Variants in USP8 observed in about 807,000 individuals in gnomAD.
USP8 encodes the protein ubiquitin specific peptidase 8.
In USP8, 27 loss-of-function variants were observed where a neutral mutation model predicts 130.0. That is an observed-to-expected ratio of 0.21 (90% confidence interval 0.15 to 0.29). The LOEUF (loss-of-function observed/expected upper bound fraction) is 0.29. Among genes scored for constraint, USP8 ranks in the 10% least tolerant of loss-of-function variants. The pLI is 1.00. For missense variants in USP8, 1,029 were observed against 1,312.2 expected (o/e 0.78, Z 3.33); for synonymous variants, 392 against 444.1 (o/e 0.88, Z 1.48).
At chr15:50,494,724 G>C (rs2052308517) in intron 16 of USP8, among the ~76,000 whole-genome samples, 1 of 152,088 alleles carries the variant, frequency 6.6e-6, no homozygotes, top group African/African-American at 2.4e-5. Flanking sequence ...TCTAAAATAA[G>C]AATTACTTGG....
At chr15:50,427,199 G>A (rs1259364478) in intron 1 of USP8, among the ~76,000 whole-genome samples, 1 of 152,104 alleles carries the variant, frequency 6.6e-6, no homozygotes, top group Non-Finnish European at 1.5e-5. Context: ...ACCTCCGAAA[G>A]TGCTGGAATT....
chr15:50,489,521 G>A (rs181824833), intron 12 of USP8: 170 of 163,396 alleles, frequency 1.0e-3, no homozygotes, highest in East Asian at 1.2e-3. Context: ...CTTCCTCCCC[G>A]TGAACTACCA....
chr15:50,441,060 G>A (rs1335938034), intron 2 of USP8, among the ~76,000 whole-genome samples: 4 of 151,998 alleles, frequency 2.6e-5, no homozygotes, highest in African/African-American at 9.7e-5. Context: ...TCACAATAGG[G>A]TTCGTGCTCC....
Position 50,500,557 on chromosome 15 carries a change from G to T in USP8, c.*1469G>T. On this transcript the variant is annotated 3_prime_UTR_variant, in exon 20 of 20. Coordinates refer to ENST00000307179, the MANE Select transcript of USP8 (RefSeq NM_005154.5). ...CACAAGGCATAAAAATGTTAATGAT[G>T]CAAGTAAGTTCTAAGAGTTTAATGA... is the stretch of plus-strand genomic sequence containing the variant. The T allele has an allele frequency of 2.0e-6, 1 of 490,596 alleles. No homozygotes were observed. Among genetic ancestry groups the T allele is most frequent in the Non-Finnish European group, 3.7e-6 (1 of 269,352 alleles). 30.4% of individuals were successfully genotyped at this position (490,596 alleles called of 1,614,324 possible).
At chr15:50,436,955 C>T (rs1162420905) in intron 1 of USP8, among the ~76,000 whole-genome samples, 1 of 151,906 alleles carries the variant, frequency 6.6e-6, no homozygotes. Context: ...CAGGTGTGAG[C>T]CACCATGCCC....
chr15:50,493,739 C>T, intron 15 of USP8: 1 of 397,058 alleles, frequency 2.5e-6, no homozygotes. Context: ...CAGAATGAGA[C>T]CCTATCTCAA....
At chr15:50,477,136 G>A in intron 9 of USP8, 140 bp from the exon 10 acceptor site, 1 of 1,335,632 alleles carries the variant, frequency 7.5e-7, no homozygotes, top group Non-Finnish European at 1.0e-6. Context: ...AAGCCTGGAA[G>A]TTCACATTTT....
intron 8 of USP8, 69 bp downstream of exon 8, chr15:50,471,864 C>G: frequency 6.9e-7 from 1 of 1,453,044 alleles, no homozygotes; most frequent in South Asian, 1.2e-5. Flanking sequence ...GGCATGTTAA[C>G]TAGTTGTTTA....
chr15:50,493,389 T>G (rs2052253226), intron 15 of USP8: 1 of 519,210 alleles, frequency 1.9e-6, no homozygotes, highest in Non-Finnish European at 3.8e-6. Flanking sequence ...ATTTTACCTT[T>G]CAAACCATAG....
chr15:50,500,008 G>A lies in USP8; in HGVS notation c.*920G>A, dbSNP rs2052552530. 6.6e-6 allele frequency: 1 copy of A among 152,154 alleles called. No individual in the cohort carries two copies. Among genetic ancestry groups the A allele is most frequent in the South Asian group, 2.1e-4 (1 of 4,828 alleles). The allele number at this position is 152,154 out of a possible 1,614,324, so 9.4% of individuals were successfully genotyped here. ...ATAAACTACATCTTTACAGAGTGAT[G>A]TATTAAGAGGGTTAAAGGAGCTTAT... On this transcript the variant is annotated 3_prime_UTR_variant, in exon 20 of 20. Coordinates refer to ENST00000307179, the MANE Select transcript of USP8 (RefSeq NM_005154.5).
chr15:50,477,088 C>G, intron 9 of USP8, 95 bp downstream of exon 9: 1 of 1,492,514 alleles, frequency 6.7e-7, no homozygotes, highest in African/African-American at 1.4e-5. Context: ...GTGTATTTGT[C>G]CTATTAGAGA....
chr15:50,466,410 C>T (rs775282415), intron 7 of USP8, among the ~76,000 whole-genome samples: 5 of 152,056 alleles, frequency 3.3e-5, no homozygotes, highest in Admixed American at 6.6e-5. Context: ...ACCAGCCTGG[C>T]CAACATGGTG....
chr15:50,501,034 G>T lies in USP8; in HGVS notation c.*1946G>T. 2 of 530,894 alleles carry T rather than the reference G, an allele frequency of 3.8e-6. No individual in the cohort carries two copies. The highest frequency in any genetic ancestry group is 3.1e-5 in the Admixed American group (1 of 32,586). The allele number at this position is 530,894 out of a possible 1,614,324, so 32.9% of individuals were successfully genotyped here. On this transcript the variant is annotated 3_prime_UTR_variant, in exon 20 of 20. Coordinates refer to ENST00000307179, the MANE Select transcript of USP8 (RefSeq NM_005154.5). ...ATTTCATTGTAACTACTTATATGTT[G>T]TGCCCATTGACTATCATCTGTGAAT...
In USP8 at chr15:50,506,495, A is replaced by G. The variant is rs1433478716; in HGVS notation, c.*7407A>G. Reference sequence around the variant, plus strand: ...GGAAAAAAACCGCATCAGTGGAAAAATTGTCTTCCACAAAAATCAGTCCCT... The same window carrying G: ...GGAAAAAAACCGCATCAGTGGAAAAGTTGTCTTCCACAAAAATCAGTCCCT... On this transcript the variant is annotated 3_prime_UTR_variant, in exon 20 of 20. Transcript: ENST00000307179. 1 of 152,172 alleles carries G rather than the reference A, an allele frequency of 6.6e-6. No individual in the cohort carries two copies. The highest frequency in any genetic ancestry group is 1.5e-5 in the Non-Finnish European group (1 of 68,034). 9.4% of individuals were successfully genotyped at this position (152,172 alleles called of 1,614,324 possible).
intron 1 of USP8, 97 bp downstream of exon 1, chr15:50,424,611 G>C (rs1448997452): frequency 5.0e-6 from 2 of 397,544 alleles, no homozygotes; most frequent in East Asian, 7.1e-5. Context: ...GGTTACCCCG[G>C]AGACAAGCTC....
At chr15:50,473,214 G>T (rs1384055456) in intron 8 of USP8, among the ~76,000 whole-genome samples, 1 of 152,000 alleles carries the variant, frequency 6.6e-6, no homozygotes, top group Admixed American at 6.6e-5. Context: ...CAGTATTTGT[G>T]GGGGATTGAT....
rs577398372 is a variant in USP8, at chr15:50,470,056, C to A, written c.687-1577C>A. On this transcript the variant is annotated intron_variant, in intron 7 of 19. Transcript: ENST00000307179. ...CCATGTTGGCCAGGCTGGTCTCGAACTCCTGACCTCAAGGGATCAGCCAGC... is the reference window on the plus strand; with the variant it reads ...CCATGTTGGCCAGGCTGGTCTCGAAATCCTGACCTCAAGGGATCAGCCAGC... Among the ~76,000 whole-genome samples the A allele has an allele frequency of 7.2e-5, 11 of 152,276 alleles. No individual in the cohort carries two copies. In the South Asian group the frequency reaches 2.3e-3, roughly 32 times the overall value.
intron 10 of USP8, among the ~76,000 whole-genome samples, chr15:50,479,416 A>T (rs1296585420): frequency 6.6e-6 from 1 of 152,198 alleles, no homozygotes; most frequent in Non-Finnish European, 1.5e-5. Flanking sequence ...AGTAGATAAG[A>T]TTAGAAGGAT....
intron 12 of USP8, among the ~76,000 whole-genome samples, chr15:50,487,266 C>T (rs2051999162): frequency 6.6e-6 from 1 of 151,964 alleles, no homozygotes; most frequent in African/African-American, 2.4e-5. Flanking sequence ...ATGTGTAAGC[C>T]TTACAAAAAT....
Sources: gnomAD v4.1 joint callset for allele counts (sites outside exome capture counted in the v4.1 genomes callset) on GRCh38, gnomAD v4.1.1 for gene constraint, MANE v1.5 for transcripts, NCBI Gene and HGNC (gene_info 2026-07-23, HGNC 2026-07-21) for gene names.